Variants in NCOR1 observed in about 807,000 individuals in gnomAD.
The protein encoded by NCOR1 is protein phosphatase 1, regulatory subunit 109.
NCOR1 carries 63 observed loss-of-function variants against 288.1 expected under a neutral mutation model. The observed-to-expected ratio is 0.22, with a 90% confidence interval of 0.18 to 0.27. The LOEUF (loss-of-function observed/expected upper bound fraction) is 0.27, where lower values mean the gene tolerates loss of function less well. NCOR1 is among the 10% of genes least tolerant of loss of function. The pLI, the probability that NCOR1 is intolerant of heterozygous loss-of-function variation, is 1.00. For missense variants in NCOR1, 2,397 were observed against 3,019.2 expected (o/e 0.79, Z 4.83); for synonymous variants, 1,007 against 1,065.9 (o/e 0.94, Z 1.08).
chr17:16,119,381 A>C (rs1448583167), intron 17 of NCOR1, 42 bp downstream of exon 17: 1 of 1,477,346 alleles, frequency 6.8e-7, no homozygotes. Flanking sequence ...AACCCTAAAA[A>C]ACAAAACAAA....
In NCOR1 at chr17:16,073,584, A is replaced by C; in HGVS notation, c.3671-15T>G. ...ATTCTTAATATCTACAGAATACACA[A>C]ACAAGACTTGCTCAGACGGAGCACA... On this transcript the variant is annotated splice_polypyrimidine_tract_variant and intron_variant, in intron 27 of 45. Transcript: ENST00000268712. 1 of 1,582,538 alleles carries C rather than the reference A, an allele frequency of 6.3e-7. No homozygotes were observed.
intron 4 of NCOR1, among the ~76,000 whole-genome samples, chr17:16,165,386 G>C (rs117460600): frequency 6.6e-6 from 1 of 152,154 alleles, no homozygotes; most frequent in Non-Finnish European, 1.5e-5. Context: ...GCTATACAAA[G>C]TGAGGTGAGT....
chr17:16,141,797 G>T (rs1191313020), intron 11 of NCOR1, among the ~76,000 whole-genome samples: 2 of 152,160 alleles, frequency 1.3e-5, no homozygotes, highest in Non-Finnish European at 2.9e-5. Context: ...TTTGTTGAAA[G>T]AATAGACTTG....
At chr17:16,212,750 T>C (rs1252326485) in intron 1 of NCOR1, among the ~76,000 whole-genome samples, 1 of 151,836 alleles carries the variant, frequency 6.6e-6, no homozygotes, top group African/African-American at 2.4e-5. Flanking sequence ...GAAAAGAAAA[T>C]TTCACCAATT....
At chr17:16,125,701 C>CAAAAAA (rs71353771) in intron 15 of NCOR1, among the ~76,000 whole-genome samples, 11 of 82,278 alleles carry the variant, frequency 1.3e-4, no homozygotes, top group Middle Eastern at 6.7e-3. Flanking sequence ...GACGCCATCA[C>CAAAAAA]AAAAAAAAAA....
intron 14 of NCOR1, among the ~76,000 whole-genome samples, chr17:16,132,186 T>C (rs57843678): frequency 0.078 from 11,825 of 152,226 alleles, 681 homozygotes; most frequent in African/African-American, 0.17. Context: ...AAAATGGTGT[T>C]AGCATAAAAG....
At chr17:16,119,524 A>C in intron 16 of NCOR1, 39 bp from the exon 17 acceptor site, 1 of 1,373,666 alleles carries the variant, frequency 7.3e-7, no homozygotes, top group Non-Finnish European at 1.0e-6. Flanking sequence ...AGAGAAAAAC[A>C]AAGTTAAATC....
rs61568090 is a variant in NCOR1 at position 16,116,715 on chromosome 17, G to C, written c.2055+1173C>G. Among the ~76,000 whole-genome samples, 313 of 100,482 alleles carry C rather than the reference G, an allele frequency of 3.1e-3. 2 individuals are homozygous for C. Among genetic ancestry groups the C allele is most frequent in the African/African-American group, 0.01 (298 of 29,270 alleles). The allele number at this position is 100,482 out of a possible 152,430, so 65.9% of individuals were successfully genotyped here. A position where few individuals can be genotyped will look rare whatever the true frequency, so the allele number is the denominator to read the frequency against. ...GAGAGAACCATCATATTTTGGTATA[G>C]AGCAGAACTTTATGTTTACTTCCCA... On this transcript the variant is annotated intron_variant, in intron 18 of 45. Transcript: ENST00000268712.
chr17:16,074,009 A>T (rs556689731), intron 27 of NCOR1, among the ~76,000 whole-genome samples: 2 of 152,342 alleles, frequency 1.3e-5, no homozygotes, highest in African/African-American at 4.8e-5. Flanking sequence ...AGGTAATAGG[A>T]GGAAAAAGTA....
At chr17:16,063,895 T>A (rs1180595033) in intron 35 of NCOR1, among the ~76,000 whole-genome samples, 173 bp downstream of exon 35, 1 of 152,236 alleles carries the variant, frequency 6.6e-6, no homozygotes, top group Non-Finnish European at 1.5e-5. Flanking sequence ...AAAATTCACG[T>A]TTCCACCATC....
At position 16,058,545 on chromosome 17, in the gene NCOR1, G is replaced by A; in HGVS notation, c.5936C>T (p.Ala1979Val). Residue 1979 changes from alanine (A) to valine (V), a missense_variant, in exon 38 of 46, where the codon GCC (alanine) becomes GTC (valine). Ala to Val is a moderately conservative substitution (Grantham distance 64). Transcript: ENST00000268712. ...PSDAIEVISP[A>V]SSPAPPQEKL... ...CTCCTGGGGTGGCGCAGGTGAGCTG[G>A]CAGGACTTATCACCTCAATAGCATC... 6.2e-7 allele frequency: 1 copy of A among 1,613,876 alleles called. No individual in the cohort carries two copies. The highest frequency in any genetic ancestry group is 2.2e-5 in the East Asian group (1 of 44,880).
At chr17:16,086,488 GTT>G in intron 22 of NCOR1, 46 bp from the exon 23 acceptor site, 1 of 1,536,280 alleles carries the variant, frequency 6.5e-7, no homozygotes, top group South Asian at 1.2e-5. Context: ...CCATTTCCTA[GTT>G]TACAACATGT....
At chr17:16,117,861 A>T in intron 18 of NCOR1, 27 bp downstream of exon 18, 4 of 1,604,754 alleles carry the variant, frequency 2.5e-6, no homozygotes, top group Non-Finnish European at 3.4e-6. Flanking sequence ...AACAGTAAGT[A>T]AAGAGTCACC....
chr17:16,138,972 G>C (rs1022769996), intron 12 of NCOR1, 36 bp downstream of exon 12: 4 of 1,390,720 alleles, frequency 2.9e-6, no homozygotes, highest in Non-Finnish European at 3.9e-6. Flanking sequence ...AACTTATGTA[G>C]ATGTCTATTA....
At chr17:16,149,065 C>A (rs1042167493) in intron 9 of NCOR1, among the ~76,000 whole-genome samples, 2 of 151,814 alleles carry the variant, frequency 1.3e-5, no homozygotes, top group Non-Finnish European at 2.9e-5. Flanking sequence ...CCTAGCTGAC[C>A]CCGTTTCTAA....
At chr17:16,138,830 C>A (rs2153265240) in intron 12 of NCOR1, among the ~76,000 whole-genome samples, 178 bp downstream of exon 12, 1 of 152,308 alleles carries the variant, frequency 6.6e-6, no homozygotes. Context: ...TCTGTTACCT[C>A]TTTTCCCACC....
At chr17:16,151,092 C>T (rs1432247809) in intron 8 of NCOR1, among the ~76,000 whole-genome samples, 1 of 151,198 alleles carries the variant, frequency 6.6e-6, no homozygotes, top group Non-Finnish European at 1.5e-5. Context: ...AGTAACCATA[C>T]TAGTAAATAA....
At chr17:16,086,760 G>C (rs1205213068) in intron 22 of NCOR1, among the ~76,000 whole-genome samples, 2 of 152,108 alleles carry the variant, frequency 1.3e-5, no homozygotes, top group African/African-American at 4.8e-5. Flanking sequence ...CACTCTTAGG[G>C]TACTTCTTAA....
At chr17:16,098,615 A>G (rs1158585405) in intron 20 of NCOR1, 119 bp from the exon 21 acceptor site, 2 of 783,158 alleles carry the variant, frequency 2.6e-6, no homozygotes, top group African/African-American at 3.5e-5. Context: ...ACACATGGAC[A>G]CACATATATT....
Sources: gnomAD v4.1 joint callset for allele counts (sites outside exome capture counted in the v4.1 genomes callset) on GRCh38, gnomAD v4.1.1 for gene constraint, MANE v1.5 for transcripts, NCBI Gene and HGNC (gene_info 2026-07-23, HGNC 2026-07-21) for gene names.